Variants in IL1RAPL1 observed in about 807,000 individuals in gnomAD.
The protein encoded by IL1RAPL1 is interleukin 1 receptor accessory protein like 1, also known as interleukin-1 receptor accessory protein-like 1.
A neutral mutation model predicts 48.4 loss-of-function variants in IL1RAPL1; 3 were observed. The observed-to-expected ratio is 0.06, with a 90% CI of 0.03 to 0.16. The LOEUF (loss-of-function observed/expected upper bound fraction) is 0.16. Among genes scored for constraint, IL1RAPL1 ranks in the 10% least tolerant of loss-of-function variants. The pLI is 1.00. For missense variants in IL1RAPL1, 349 were observed against 530.6 expected (o/e 0.66, Z 3.36); for synonymous variants, 185 against 187.7 (o/e 0.99, Z 0.12).
At chrX:28,696,064 A>G (rs2146927638) in intron 1 of IL1RAPL1, among the ~76,000 whole-genome samples, 1 of 111,885 alleles carries the variant, frequency 8.9e-6, no homozygotes, top group Non-Finnish European at 1.9e-5. Flanking sequence ...GGTAATTTAA[A>G]TTTCAGTTTA....
chrX:28,776,322 A>G (rs1248713805), intron 1 of IL1RAPL1, among the ~76,000 whole-genome samples: 1 of 111,785 alleles, frequency 8.9e-6, no homozygotes, highest in African/African-American at 3.2e-5. Flanking sequence ...GGAAAACCAT[A>G]TGCTAAGTAC....
In IL1RAPL1 at chrX:28,688,048, G is replaced by A. The variant is rs180985783; in HGVS notation, c.-25+100001G>A. On this transcript the variant is annotated intron_variant, in intron 1 of 10. Transcript: ENST00000378993. Reference sequence around the variant, plus strand: ...GAACCCAGGAGTTGGAGGTTGCAGTGAGCCGAGACTGCGTCACTGCAGTCT... The same window carrying A: ...GAACCCAGGAGTTGGAGGTTGCAGTAAGCCGAGACTGCGTCACTGCAGTCT... 5.0e-5 allele frequency among the ~76,000 whole-genome samples: 5 copies of A among 99,757 alleles called. No individual in the cohort carries two copies. In the East Asian group the frequency reaches 1.8e-3, roughly 35 times the overall value. The allele number at this position is 99,757 out of a possible 115,157, so 86.6% of individuals were successfully genotyped here.
intron 5 of IL1RAPL1, among the ~76,000 whole-genome samples, chrX:29,466,334 G>T (rs772076472): frequency 9.0e-6 from 1 of 111,456 alleles, no homozygotes; most frequent in East Asian, 2.8e-4. Context: ...ACTTTTAGGC[G>T]GTCTCATCTG....
intron 1 of IL1RAPL1, among the ~76,000 whole-genome samples, chrX:28,776,912 TA>T (rs1314433983): frequency 8.9e-6 from 1 of 112,162 alleles, no homozygotes; most frequent in African/African-American, 3.2e-5. Flanking sequence ...TTGTAGATAA[TA>T]TCACAATTAT....
intron 5 of IL1RAPL1, among the ~76,000 whole-genome samples, chrX:29,417,096 C>T (rs1286722979): frequency 8.9e-6 from 1 of 111,734 alleles, no homozygotes; most frequent in Non-Finnish European, 1.9e-5. Context: ...ATTACTCTTA[C>T]ACTATGAAAA....
At chrX:28,957,346 T>C (rs1287731153) in intron 2 of IL1RAPL1, among the ~76,000 whole-genome samples, 1 of 112,082 alleles carries the variant, frequency 8.9e-6, no homozygotes, top group African/African-American at 3.2e-5. Context: ...CAATTTCATA[T>C]ATTTTATTTC....
chrX:29,803,520 T>C (rs1448279398), intron 6 of IL1RAPL1, among the ~76,000 whole-genome samples: 2 of 99,380 alleles, frequency 2.0e-5, no homozygotes, highest in South Asian at 8.8e-4. Context: ...TATATGTATA[T>C]ATGTATATAT....
At chrX:29,215,075 C>T (rs1399926844) in intron 2 of IL1RAPL1, among the ~76,000 whole-genome samples, 1 of 111,116 alleles carries the variant, frequency 9.0e-6, no homozygotes, top group East Asian at 2.8e-4. Flanking sequence ...GGGCCAGGTG[C>T]GGTGGCTCAT....
rs911901748 is a variant in IL1RAPL1, at chrX:28,892,126, G to A, written c.82+102701G>A. 1.7e-4 allele frequency among the ~76,000 whole-genome samples: 19 copies of A among 110,322 alleles called. No homozygotes were observed. The Admixed American group carries it at 1.8e-3, about 11-fold the overall frequency. On this transcript the variant is annotated intron_variant, in intron 2 of 10. Transcript: ENST00000378993. Reference sequence around the variant, plus strand: ...ATATTCTAGATGCAAGTTTTCACTCGCGTCCGAGTGAAGAGACCACCAAAC... The same window carrying A: ...ATATTCTAGATGCAAGTTTTCACTCACGTCCGAGTGAAGAGACCACCAAAC...
chrX:29,888,055 T>A (rs986897558), intron 6 of IL1RAPL1, among the ~76,000 whole-genome samples: 1 of 111,728 alleles, frequency 9.0e-6, no homozygotes, highest in African/African-American at 3.3e-5. Context: ...GTGTTCATAG[T>A]TTTTTCTTGT....
chrX:29,006,063 C>T (rs920233054), intron 2 of IL1RAPL1, among the ~76,000 whole-genome samples: 2 of 111,549 alleles, frequency 1.8e-5, no homozygotes, highest in Non-Finnish European at 3.8e-5. Flanking sequence ...CCAGAACATG[C>T]TCTATGCCAT....
At chrX:29,194,783 C>T (rs1035198617) in intron 2 of IL1RAPL1, among the ~76,000 whole-genome samples, 8 of 111,384 alleles carry the variant, frequency 7.2e-5, no homozygotes, top group East Asian at 2.8e-4. Flanking sequence ...GGAGTGGAGT[C>T]GATGCATATC....
chrX:29,005,554 T>G (rs1459501575), intron 2 of IL1RAPL1, among the ~76,000 whole-genome samples: 1 of 112,187 alleles, frequency 8.9e-6, no homozygotes, highest in African/African-American at 3.2e-5. Flanking sequence ...AGTAAACTTT[T>G]AGCAGCAAGA....
At chrX:28,845,869 C>T (rs1396653050) in intron 2 of IL1RAPL1, among the ~76,000 whole-genome samples, 1 of 112,054 alleles carries the variant, frequency 8.9e-6, no homozygotes, top group Admixed American at 9.5e-5. Flanking sequence ...TGCATAGCCT[C>T]TCTCATTATC....
At chrX:28,969,735 T>C (rs1396085288) in intron 2 of IL1RAPL1, among the ~76,000 whole-genome samples, 2 of 109,064 alleles carry the variant, frequency 1.8e-5, no homozygotes, top group Admixed American at 2.0e-4. Context: ...TTCTTAGATA[T>C]TCGGGAATGC....
At chrX:29,777,945 A>G (rs764888427) in intron 6 of IL1RAPL1, among the ~76,000 whole-genome samples, 1 of 109,263 alleles carries the variant, frequency 9.2e-6, no homozygotes, top group Non-Finnish European at 1.9e-5. Flanking sequence ...CATTTATACT[A>G]TTGTATAAAT....
intron 3 of IL1RAPL1, among the ~76,000 whole-genome samples, chrX:29,298,898 T>C (rs1464398529): frequency 9.0e-6 from 1 of 111,198 alleles, no homozygotes; most frequent in African/African-American, 3.3e-5. Context: ...TCAACTTGAT[T>C]GGATTGAAGG....
chrX:28,972,256 A>G (rs776120843), intron 2 of IL1RAPL1, among the ~76,000 whole-genome samples: 1 of 111,567 alleles, frequency 9.0e-6, no homozygotes, highest in East Asian at 2.8e-4. Flanking sequence ...AATAATAATT[A>G]TTATTATCAT....
chrX:29,141,153 T>TCC lies in IL1RAPL1; in HGVS notation c.83-141785_83-141784insCC, dbSNP rs1209952442. 2.7e-5 allele frequency among the ~76,000 whole-genome samples: 3 copies of TCC among 110,733 alleles called. No individual in the cohort carries two copies. In the Admixed American group the frequency reaches 2.9e-4, roughly 11 times the overall value. ...GAAAGACTATTTATAAAGCTTGTAG[T>TCC]ACCTGAGTGGATTAATGGTGTTTAT... On this transcript the variant is annotated intron_variant, in intron 2 of 10. Transcript: ENST00000378993.
Sources: gnomAD v4.1 joint callset for allele counts (sites outside exome capture counted in the v4.1 genomes callset) on GRCh38, gnomAD v4.1.1 for gene constraint, MANE v1.5 for transcripts, NCBI Gene and HGNC (gene_info 2026-07-23, HGNC 2026-07-21) for gene names.